The following KDM6A variants were observed in gnomAD, a reference collection of about 807,000 sequenced individuals.
KDM6A encodes the protein lysine-specific demethylase 6A.
In KDM6A, 11 loss-of-function variants were observed where a neutral mutation model predicts 117.6. That is an observed-to-expected ratio of 0.09 (90% CI 0.06 to 0.15). The LOEUF (loss-of-function observed/expected upper bound fraction) is 0.15, where lower values mean the gene tolerates loss of function less well. KDM6A is among the 10% of genes least tolerant of loss of function. KDM6A has a pLI of 1.00. For missense variants in KDM6A, 799 were observed against 1,077.3 expected (o/e 0.74, Z 3.62); for synonymous variants, 384 against 396.1 (o/e 0.97, Z 0.36).
At position 44,909,481 on chromosome X, in the gene KDM6A, C is replaced by A. The variant is rs191125113; in HGVS notation, c.225+35494C>A. On this transcript the variant is annotated intron_variant, in intron 2 of 29. Coordinates refer to ENST00000611820, the MANE Select transcript of KDM6A (RefSeq NM_001291415.2). ...TTTGACTTTGCTGCCACCCTTCACCCCCCCACCCAAATGATTATATTTTGA... is the reference window on the plus strand; with the variant it reads ...TTTGACTTTGCTGCCACCCTTCACCACCCCACCCAAATGATTATATTTTGA... 6.3e-5 allele frequency among the ~76,000 whole-genome samples: 7 copies of A among 110,600 alleles called. No homozygotes were observed. The East Asian group carries it at 2.0e-3, about 31-fold the overall frequency.
chrX:44,919,658 T>TTTAA (rs2035780432), intron 2 of KDM6A, among the ~76,000 whole-genome samples: 1 of 108,095 alleles, frequency 9.3e-6, no homozygotes, highest in African/African-American at 3.4e-5. Flanking sequence ...TTTTTTTTTT[T>TTTAA]GAGATGGGGT....
At chrX:45,032,841 A>G (rs1400005960) in intron 6 of KDM6A, among the ~76,000 whole-genome samples, 1 of 112,308 alleles carries the variant, frequency 8.9e-6, no homozygotes, top group Non-Finnish European at 1.9e-5. Context: ...GAAATGGTGC[A>G]TCAGTAACTT....
intron 4 of KDM6A, among the ~76,000 whole-genome samples, chrX:44,980,023 GTC>G (rs2039816937): frequency 1.1e-5 from 1 of 90,014 alleles, no homozygotes; most frequent in Admixed American, 1.4e-4. Flanking sequence ...TTGAGATGGA[GTC>G]TCTCTCTGTC....
intron 2 of KDM6A, among the ~76,000 whole-genome samples, chrX:44,960,270 A>G (rs1026198230): frequency 1.5e-4 from 17 of 111,576 alleles, no homozygotes; most frequent in Admixed American, 9.5e-5. Context: ...ATTCACACAC[A>G]TTTCTTACTT....
intron 2 of KDM6A, among the ~76,000 whole-genome samples, chrX:44,910,332 G>C (rs955184706): frequency 9.0e-6 from 1 of 111,416 alleles, no homozygotes; most frequent in Admixed American, 9.5e-5. Flanking sequence ...ACTCACAGCC[G>C]TATGACACCA....
intron 20 of KDM6A, 21 bp downstream of exon 20, chrX:45,078,526 G>A (rs1420335451): frequency 5.2e-6 from 6 of 1,156,295 alleles, no homozygotes. Flanking sequence ...AATTAAAAAA[G>A]GAAAACGTTT....
At chrX:44,965,741 A>C (rs1431898603) in intron 3 of KDM6A, among the ~76,000 whole-genome samples, 2 of 112,302 alleles carry the variant, frequency 1.8e-5, no homozygotes, top group African/African-American at 6.5e-5. Flanking sequence ...AAATGTATGG[A>C]ATATTGGTTT....
At position 45,090,864 on chromosome X, in the gene KDM6A, A is replaced by G. The variant is rs747536037; in HGVS notation, c.4034A>G (p.Lys1345Arg). The change falls in exon 27 of 30, where the codon AAG becomes AGG. Residue 1345 changes from lysine to arginine, a missense_variant and splice_region_variant. Physicochemically the swap from Lys to Arg is conservative, Grantham distance 26 (BLOSUM62 2). Around this residue, in one of 8 missense-constraint regions of KDM6A, gnomAD observed 291 missense variants for 437.9 expected, o/e 0.66. Transcript: ENST00000611820. ...VSDPKLFEMI[K>R]YCLLRTLKQC... is the part of the protein sequence containing the mutation. ...GATCCAAAGCTTTTTGAAATGATTA[A>G]GTAAGTCTTTTCTAAAACTGCTGTA... 5.0e-6 allele frequency: 6 copies of G among 1,207,612 alleles called. No individual in the cohort carries two copies. The African/African-American group carries it at 1.1e-4, about 21-fold the overall frequency.
chrX:45,000,873 AG>A (rs752016091), intron 4 of KDM6A, among the ~76,000 whole-genome samples: 2 of 112,989 alleles, frequency 1.8e-5, no homozygotes, highest in South Asian at 7.2e-4. Context: ...GGTCAACTGG[AG>A]GACCACCTTA....
At chrX:45,058,927 C>T (rs1441758230) in intron 10 of KDM6A, 79 bp from the exon 11 acceptor site, 3 of 902,532 alleles carry the variant, frequency 3.3e-6, no homozygotes, top group Non-Finnish European at 4.8e-6. Context: ...GATATATAGT[C>T]CATCCTTTCA....
chrX:44,921,954 A>G (rs1287329935), intron 2 of KDM6A, among the ~76,000 whole-genome samples: 2 of 95,539 alleles, frequency 2.1e-5, no homozygotes, highest in Non-Finnish European at 4.1e-5. Context: ...ACTTACTAGC[A>G]TTTGTTATTA....
At chrX:45,089,972 G>C (rs186387742) in intron 26 of KDM6A, 42 bp downstream of exon 26, 1 of 1,071,676 alleles carries the variant, frequency 9.3e-7, no homozygotes, top group Non-Finnish European at 1.3e-6. Flanking sequence ...ATTTATAAAG[G>C]ATTATATCCA....
At position 45,010,878 on chromosome X, in the gene KDM6A, T is replaced by C; in HGVS notation, c.385-83T>C. On this transcript the variant is annotated intron_variant, in intron 4 of 29. Transcript: ENST00000611820. ...TAGAATTTTAGGACTTAAAACATCT[T>C]GGATACCGTATTTTACAATAATAAC... is the stretch of plus-strand genomic sequence containing the variant. 7.0e-6 allele frequency: 5 copies of C among 717,159 alleles called. No homozygotes were observed. In the South Asian group the frequency reaches 1.2e-4, roughly 17 times the overall value. 59.1% of individuals were successfully genotyped at this position (717,159 alleles called of 1,213,427 possible). A position where few individuals can be genotyped will look rare whatever the true frequency, so the allele number is the denominator to read the frequency against.
chrX:45,015,044 A>G (rs1294274197), intron 5 of KDM6A, among the ~76,000 whole-genome samples: 1 of 111,925 alleles, frequency 8.9e-6, no homozygotes, highest in African/African-American at 3.3e-5. Context: ...CAGAAATATT[A>G]ACAAATTACT....
rs1569533476 is a variant in KDM6A, at chrX:45,061,413, A to G, written c.1575A>G (p.Lys525=). The change falls in exon 15 of 30, where the codon AAA becomes AAG. Residue 525 remains lysine (K), a synonymous_variant. Coordinates refer to ENST00000611820, the MANE Select transcript of KDM6A (RefSeq NM_001291415.2). The part of the protein sequence containing the change: ...QAHSWCLTPQ[K]LQHLEQLRAN... ...ATTCATGGTGTTTGACACCACAGAA[A>G]TTACAGGTATGTAAGATGTTTTTGA... 1 of 1,086,080 alleles carries G rather than the reference A, an allele frequency of 9.2e-7. No individual in the cohort carries two copies. The highest frequency in any genetic ancestry group is 1.8e-5 in the African/African-American group (1 of 54,942). The allele number at this position is 1,086,080 out of a possible 1,213,427, so 89.5% of individuals were successfully genotyped here.
chrX:44,987,776 A>G lies in KDM6A; in HGVS notation c.384+13061A>G, dbSNP rs1203634767. ...CTTGTATAGTTTCTGCTGAGAGATC[A>G]GCTGTTAGTCTGATGGGCTTCCCTT... On this transcript the variant is annotated intron_variant, in intron 4 of 29. Transcript: ENST00000611820. Among the ~76,000 whole-genome samples the G allele has an allele frequency of 4.0e-3, 444 of 111,446 alleles. 9 individuals carry two copies. The highest frequency in any genetic ancestry group is 0.014 in the African/African-American group (423 of 30,385).
chrX:45,023,823 C>T (rs1602612410), intron 6 of KDM6A, among the ~76,000 whole-genome samples: 1 of 110,464 alleles, frequency 9.1e-6, no homozygotes, highest in African/African-American at 3.3e-5. Flanking sequence ...CCCCAAAGTC[C>T]ATTATCTCAT....
At chrX:45,007,808 A>G (rs1305135328) in intron 4 of KDM6A, among the ~76,000 whole-genome samples, 2 of 111,975 alleles carry the variant, frequency 1.8e-5, no homozygotes, top group Non-Finnish European at 3.8e-5. Context: ...TTCAGTTCCT[A>G]TGTCTGCTAG....
chrX:44,873,748 A>G, intron 1 of KDM6A, 36 bp downstream of exon 1: 1 of 1,159,371 alleles, frequency 8.6e-7, no homozygotes, highest in Non-Finnish European at 1.2e-6. Flanking sequence ...TCGGCTCCGG[A>G]CGGGCAGTAG....
Sources: gnomAD v4.1 joint callset for allele counts (sites outside exome capture counted in the v4.1 genomes callset) on GRCh38, gnomAD v4.1.1 for gene constraint, gnomAD v4.1.1 regional missense constraint, MANE v1.5 for transcripts, NCBI Gene and HGNC (gene_info 2026-07-23, HGNC 2026-07-21) for gene names.